The following LEFTY1 variants were observed in gnomAD, a reference collection of about 807,000 sequenced individuals.
The protein encoded by LEFTY1 is left-right determination factor 1.
LEFTY1 carries 18 observed loss-of-function variants against 22.6 expected under a neutral mutation model. The ratio of observed to expected loss-of-function variants is 0.80; its 90% CI spans 0.55 to 1.18. The LOEUF (loss-of-function observed/expected upper bound fraction) is 1.18. LEFTY1 is among the 50% of genes most tolerant of loss of function. LEFTY1 has a pLI of 0.00. For synonymous variants in LEFTY1, 201 were observed against 231.5 expected, an observed-to-expected ratio of 0.87 and a Z score of 1.20; for missense variants, 414 against 495.4, an observed-to-expected ratio of 0.84 and a Z score of 1.56.
In LEFTY1 at chr1:225,886,792, T is replaced by C. The variant is rs780526783; in HGVS notation, c.1036A>G (p.Met346Val). The C allele has an allele frequency of 1.9e-6, 3 of 1,613,870 alleles. No homozygotes were observed. The highest frequency in any genetic ancestry group is 1.7e-5 in the Admixed American group (1 of 60,028). The change falls in exon 4 of 4, where the codon ATG becomes GTG. Residue 346 changes from methionine to valine, a missense_variant. Around this residue, in one of 2 missense-constraint regions of LEFTY1, gnomAD observed 16 missense variants for 40.7 expected, o/e 0.39. Coordinates refer to ENST00000272134, the MANE Select transcript of LEFTY1 (RefSeq NM_020997.4). Reference sequence around the variant, plus strand: ...GCACAGCTGCACTTCTGCACCCTCATGTTGGGCAGGCTGACCACCTGGGGC... The same window carrying C: ...GCACAGCTGCACTTCTGCACCCTCACGTTGGGCAGGCTGACCACCTGGGGC... ...TRPQVVSLPNMRVQKCSCASD... is the reference protein window; with the variant it reads ...TRPQVVSLPNVRVQKCSCASD...
chr1:225,888,347 G>A (rs1671331455), intron 1 of LEFTY1, among the ~76,000 whole-genome samples: 2 of 151,430 alleles, frequency 1.3e-5, no homozygotes, highest in South Asian at 4.2e-4. Context: ...GAGGCTGCAG[G>A]AGGATTCAGG....
Position 225,888,961 on chromosome 1 carries a change from G to A in LEFTY1, c.106C>T (p.Gln36Ter), listed in dbSNP as rs1447120604. ...QLLGSLLRQL[Q>*]LKEVPTLDRA... ...TCCAGGGTGGGCACCTCTTTGAGCT[G>A]CAGCTGCCGCAGCAGGCTGCCCAGG... is the stretch of plus-strand genomic sequence containing the variant. The change falls in exon 1 of 4, where the codon CAG becomes TAG. Residue 36 changes from glutamine to a stop codon, truncating the protein, a stop_gained. Coordinates refer to ENST00000272134, the MANE Select transcript of LEFTY1 (RefSeq NM_020997.4). LOFTEE classifies it high-confidence loss of function. 2 of 1,603,344 alleles carry A rather than the reference G, an allele frequency of 1.2e-6. No homozygotes were observed. The highest frequency in any genetic ancestry group is 3.4e-4 in the Middle Eastern group (2 of 5,836).
rs1304527507 is a variant in LEFTY1 at position 225,888,805 on chromosome 1, G to A, written c.250+12C>T. ...CCATGGGACCAGGGGCAGCAGGGAG[G>A]GAGGGCCTCACCTCGGAAGCTCTGG... On this transcript the variant is annotated intron_variant, in intron 1 of 3. Transcript: ENST00000272134. The A allele has an allele frequency of 2.5e-6, 4 of 1,612,852 alleles. No individual in the cohort carries two copies. The highest frequency in any genetic ancestry group is 1.1e-5 in the South Asian group (1 of 91,058).
chr1:225,888,768 A>G, intron 1 of LEFTY1, 49 bp downstream of exon 1: 4 of 1,610,354 alleles, frequency 2.5e-6, no homozygotes, highest in Non-Finnish European at 3.4e-6. Flanking sequence ...GAGTGGGCAC[A>G]TCTGACCTGC....
At chr1:225,887,750 C>T (rs2102657481) in intron 2 of LEFTY1, 36 bp downstream of exon 2, 3 of 1,558,740 alleles carry the variant, frequency 1.9e-6, no homozygotes, top group Non-Finnish European at 2.6e-6. Flanking sequence ...CCTAGCAGCG[C>T]CCTCCCCCTA....
rs563996491 is a variant in LEFTY1 at position 225,886,495 on chromosome 1, T to C, written c.*232A>G. ...TGTAAGTGCTTAGAATATAGTGCAG[T>C]GAATAATAAGAATAGAGAAAACTGA... On this transcript the variant is annotated 3_prime_UTR_variant, in exon 4 of 4. Coordinates refer to ENST00000272134, the MANE Select transcript of LEFTY1 (RefSeq NM_020997.4). 7 of 738,600 alleles carry C rather than the reference T, an allele frequency of 9.5e-6. No individual in the cohort carries two copies. The highest frequency in any genetic ancestry group is 1.5e-5 in the Non-Finnish European group (7 of 470,130). The allele number at this position is 738,600 out of a possible 1,614,324, so 45.8% of individuals were successfully genotyped here. A position where few individuals can be genotyped will look rare whatever the true frequency, so the allele number is the denominator to read the frequency against.
At chr1:225,888,244 A>C (rs1278746998) in intron 1 of LEFTY1, among the ~76,000 whole-genome samples, 4 of 152,136 alleles carry the variant, frequency 2.6e-5, no homozygotes, top group Non-Finnish European at 5.9e-5. Flanking sequence ...CCTGGCTAGC[A>C]AGTTTGCCTC....
Position 225,887,916 on chromosome 1 carries a change from C to CCT in LEFTY1, c.365_366dup (p.Glu123ArgfsTer24), listed in dbSNP as rs1408680892. On this transcript the variant is annotated frameshift_variant, in exon 2 of 4. Transcript: ENST00000272134. LOFTEE classifies it high-confidence loss of function. Reference sequence around the variant, plus strand: ...TGCAGCGCGGCCTTGGGGACCGGCTCCTGGAAGAGCCGCAGCACGGCCTGC... The same window carrying CCT: ...TGCAGCGCGGCCTTGGGGACCGGCTCCTCTGGAAGAGCCGCAGCACGGCCTGC... 4 of 1,542,334 alleles carry CCT rather than the reference C, an allele frequency of 2.6e-6. No individual in the cohort carries two copies. Among genetic ancestry groups the CCT allele is most frequent in the Non-Finnish European group, 3.5e-6 (4 of 1,152,350 alleles).
chr1:225,888,945 G>A lies in LEFTY1; in HGVS notation c.122C>T (p.Pro41Leu), dbSNP rs1470174560. 1 of 1,610,978 alleles carries A rather than the reference G, an allele frequency of 6.2e-7. No homozygotes were observed. The highest frequency in any genetic ancestry group is 1.1e-5 in the South Asian group (1 of 90,756). ...CTCCATGTCGGCCCTGTCCAGGGTG[G>A]GCACCTCTTTGAGCTGCAGCTGCCG... is the stretch of plus-strand genomic sequence containing the variant. ...LLRQLQLKEVPTLDRADMEEL... is the reference protein window; with the variant it reads ...LLRQLQLKEVLTLDRADMEEL... The change falls in exon 1 of 4, where the codon CCC (proline) becomes CTC (leucine). Residue 41 changes from proline to leucine, a missense_variant. By Grantham distance (98) the Pro-to-Leu change is moderately conservative. Around this residue, in one of 2 missense-constraint regions of LEFTY1, gnomAD observed 398 missense variants for 454.7 expected, o/e 0.88. Coordinates refer to ENST00000272134, the MANE Select transcript of LEFTY1 (RefSeq NM_020997.4).
At position 225,886,592 on chromosome 1, in the gene LEFTY1, G is replaced by T; in HGVS notation, c.*135C>A. 1 of 1,495,026 alleles carries T rather than the reference G, an allele frequency of 6.7e-7. No homozygotes were observed. The allele number at this position is 1,495,026 out of a possible 1,614,324, so 92.6% of individuals were successfully genotyped here. Reference sequence around the variant, plus strand: ...AATTAGGTGAGGTAACTTGTCAGAGGAAGCAAATTCAGGGCTCACTAGAGA... The same window carrying T: ...AATTAGGTGAGGTAACTTGTCAGAGTAAGCAAATTCAGGGCTCACTAGAGA... On this transcript the variant is annotated 3_prime_UTR_variant, in exon 4 of 4. Coordinates refer to ENST00000272134, the MANE Select transcript of LEFTY1 (RefSeq NM_020997.4).
Position 225,887,417 on chromosome 1 carries a change from A to C in LEFTY1, c.719T>G (p.Leu240Arg). 2.5e-6 allele frequency: 4 copies of C among 1,613,652 alleles called. No individual in the cohort carries two copies. The highest frequency in any genetic ancestry group is 3.4e-6 in the Non-Finnish European group (4 of 1,179,894). ...CACCTACCCATAGTCCCCAAGGTCC[A>C]GGGTGTGCAGCTCCAGCTGGGGCTC... ...LGEPQLELHTLDLGDYGAQGD... is the reference protein window; with the variant it reads ...LGEPQLELHTRDLGDYGAQGD... The change falls in exon 3 of 4, where the codon CTG becomes CGG. Residue 240 changes from leucine to arginine, a missense_variant. Transcript: ENST00000272134.
In LEFTY1 at chr1:225,888,258, T is replaced by C. The variant is rs148327806; in HGVS notation, c.251-226A>G. 9.3e-3 allele frequency among the ~76,000 whole-genome samples: 1,418 copies of C among 152,242 alleles called. 33 individuals are homozygous for C. The highest frequency in any genetic ancestry group is 0.031 in the African/African-American group (1,304 of 41,540). On this transcript the variant is annotated intron_variant, in intron 1 of 3. Transcript: ENST00000272134. Reference sequence around the variant, plus strand: ...CCCTGGCTAGCAAGTTTGCCTCAGCTGAGATGCTGGGAGCAGAATCCTCAC... The same window carrying C: ...CCCTGGCTAGCAAGTTTGCCTCAGCCGAGATGCTGGGAGCAGAATCCTCAC...
rs747716225 is a variant in LEFTY1 at position 225,887,687 on chromosome 1, A to G, written c.498-49T>C. The G allele has an allele frequency of 6.8e-6, 11 of 1,608,828 alleles. No homozygotes were observed. The Admixed American group carries it at 1.8e-4, about 27-fold the overall frequency. On this transcript the variant is annotated intron_variant, in intron 2 of 3. Coordinates refer to ENST00000272134, the MANE Select transcript of LEFTY1 (RefSeq NM_020997.4). ...GCGCCGCTTGAGGGCGGGGACTGGG[A>G]CGGGCCCCGAGGACCCCGCACCGCC...
Position 225,886,631 on chromosome 1 carries a change from G to A in LEFTY1, c.*96C>T, listed in dbSNP as rs1671283175. 2.5e-6 allele frequency: 4 copies of A among 1,579,872 alleles called. No homozygotes were observed. The African/African-American group carries it at 5.4e-5, about 21-fold the overall frequency. On this transcript the variant is annotated 3_prime_UTR_variant, in exon 4 of 4. Transcript: ENST00000272134. ...GCTCACTAGAGAGCACAGAGCATTT[G>A]TCCATCAGCAGTTCAGTCATCGCCA...
chr1:225,886,693 ACAAGT>A lies in LEFTY1; in HGVS notation c.*29_*33del. ...ACCCTCGAACACTTCAGAAACACAC[ACAAGT>A]CAAGTCCCTCGATGGCTACACTAGG... On this transcript the variant is annotated 3_prime_UTR_variant, in exon 4 of 4. Coordinates refer to ENST00000272134, the MANE Select transcript of LEFTY1 (RefSeq NM_020997.4). The A allele has an allele frequency of 1.9e-6, 3 of 1,612,664 alleles. No individual in the cohort carries two copies. The highest frequency in any genetic ancestry group is 1.7e-6 in the Non-Finnish European group (2 of 1,179,966).
intron 1 of LEFTY1, among the ~76,000 whole-genome samples, chr1:225,888,390 CCT>C (rs1302154367): frequency 1.3e-5 from 2 of 152,060 alleles, no homozygotes; most frequent in African/African-American, 4.8e-5. Flanking sequence ...CCGCTGCACC[CCT>C]GACAGCCAGG....
rs1384587977 is a variant in LEFTY1 at position 225,887,081 on chromosome 1, G to A, written c.747C>T (p.Gly249=). The A allele has an allele frequency of 7.5e-6, 12 of 1,600,878 alleles. No homozygotes were observed. The highest frequency in any genetic ancestry group is 1.8e-4 in the Middle Eastern group (1 of 5,486). ...TLDLGDYGAQ[G]DCDPEAPMTE... The stretch of plus-strand genomic sequence containing the variant: ...TCATTGGTGCTTCAGGGTCACAGTC[G>A]CCCTGAGCTCTGTGTGGGCAAAGAG... The change falls in exon 4 of 4, where the codon GGC becomes GGT. Residue 249 remains glycine, a synonymous_variant. Transcript: ENST00000272134.
Position 225,886,924 on chromosome 1 carries a change from C to T in LEFTY1, c.904G>A (p.Glu302Lys). 6.2e-7 allele frequency: 1 copy of T among 1,613,824 alleles called. No individual in the cohort carries two copies. Among genetic ancestry groups the T allele is most frequent in the Non-Finnish European group, 8.5e-7 (1 of 1,180,012 alleles). ...ECVGTCRQPP[E>K]ALAFKWPFLG... ...AACGGCCACTTGAAGGCCAGGGCCTCCGGGGGCTGCCGGCAGGTGCCCACA... is the reference window on the plus strand; with the variant it reads ...AACGGCCACTTGAAGGCCAGGGCCTTCGGGGGCTGCCGGCAGGTGCCCACA... Residue 302 changes from glutamate (E) to lysine (K), a missense_variant, in exon 4 of 4, where the codon GAG becomes AAG. This residue lies in a region of LEFTY1 where 398 missense variants were observed against 454.7 expected (regional missense o/e 0.88). Transcript: ENST00000272134.
Position 225,886,639 on chromosome 1 carries a change from G to T in LEFTY1, c.*88C>A. 6.3e-7 allele frequency: 1 copy of T among 1,587,348 alleles called. No individual in the cohort carries two copies. ...GAGAGCACAGAGCATTTGTCCATCA[G>T]CAGTTCAGTCATCGCCAGCTCTCCT... is the stretch of plus-strand genomic sequence containing the variant. On this transcript the variant is annotated 3_prime_UTR_variant, in exon 4 of 4. Coordinates refer to ENST00000272134, the MANE Select transcript of LEFTY1 (RefSeq NM_020997.4).
Sources: allele counts gnomAD v4.1 joint callset (sites outside exome capture counted in the v4.1 genomes callset), GRCh38; gene constraint gnomAD v4.1.1; regional missense constraint gnomAD v4.1.1; transcripts MANE v1.5; gene names NCBI Gene and HGNC (gene_info 2026-07-23, HGNC 2026-07-21).